The following FANCC variants were observed in gnomAD, a reference collection of about 807,000 sequenced individuals.
FANCC encodes the protein Fanconi anemia group C protein.
In FANCC, 55 loss-of-function variants were observed where a neutral mutation model predicts 71.3. The observed-to-expected ratio is 0.77, with a 90% CI of 0.62 to 0.97. The LOEUF is 0.97. Ranked by LOEUF, FANCC falls within the 50% of genes least tolerant of loss-of-function variation. FANCC has a pLI of 0.00. For synonymous variants in FANCC, 275 were observed against 244.9 expected, an observed-to-expected ratio of 1.12 and a Z score of -1.15; for missense variants, 678 against 670.9, an observed-to-expected ratio of 1.01 and a Z score of -0.12.
At chr9:95,168,303 C>T (rs552315353) in intron 6 of FANCC, among the ~76,000 whole-genome samples, 34 of 152,300 alleles carry the variant, frequency 2.2e-4, no homozygotes, top group Non-Finnish European at 4.3e-4. Context: ...GAGCTAAGTG[C>T]TTCCTCCCAA....
intron 4 of FANCC, among the ~76,000 whole-genome samples, chr9:95,232,078 G>T (rs1262346863): frequency 6.6e-6 from 1 of 152,230 alleles, no homozygotes; most frequent in Non-Finnish European, 1.5e-5. Flanking sequence ...TTCCGGGGAG[G>T]CCTCAGGAAA....
At chr9:95,239,634 G>A (rs1830519901) in intron 4 of FANCC, among the ~76,000 whole-genome samples, 1 of 152,084 alleles carries the variant, frequency 6.6e-6, no homozygotes, top group Non-Finnish European at 1.5e-5. Context: ...CTACTTATCT[G>A]TTCCTTTCTT....
intron 6 of FANCC, among the ~76,000 whole-genome samples, chr9:95,158,105 T>G (rs1020342948): frequency 6.6e-6 from 1 of 152,156 alleles, no homozygotes; most frequent in African/African-American, 2.4e-5. Flanking sequence ...CACAGGCAAC[T>G]CTCCGGCCTA....
intron 1 of FANCC, among the ~76,000 whole-genome samples, chr9:95,300,936 G>A (rs566228958): frequency 6.6e-6 from 1 of 152,246 alleles, no homozygotes; most frequent in South Asian, 2.1e-4. Flanking sequence ...AAAATTAAAC[G>A]AAATGAAAGA....
At chr9:95,125,262 A>G in intron 9 of FANCC, 77 bp from the exon 10 acceptor site, 1 of 1,159,460 alleles carries the variant, frequency 8.6e-7, no homozygotes, top group Non-Finnish European at 1.3e-6. Context: ...TGTATAAGGG[A>G]AAAGTAGAAA....
At chr9:95,280,453 AC>A (rs1833315911) in intron 1 of FANCC, among the ~76,000 whole-genome samples, 1 of 152,240 alleles carries the variant, frequency 6.6e-6, no homozygotes, top group African/African-American at 2.4e-5. Flanking sequence ...AGAATTCTCC[AC>A]CCAATAGTAT....
rs1827886448 is a variant in FANCC at position 95,137,563 on chromosome 9, AAGAAG to A, written c.687-2066_687-2062del. On this transcript the variant is annotated intron_variant, in intron 7 of 14. Transcript: ENST00000289081. Reference sequence around the variant, plus strand: ...TGGACATGCCATTTCCTCAGATGAAAAGAAGAGAAGAAATGATTTCTGGAGGATTT... The same window carrying A: ...TGGACATGCCATTTCCTCAGATGAAAAGAAGAAATGATTTCTGGAGGATTT... Among the ~76,000 whole-genome samples the A allele has an allele frequency of 2.0e-5, 3 of 152,116 alleles. No individual in the cohort carries two copies. In the South Asian group the frequency reaches 6.3e-4, roughly 32 times the overall value.
At chr9:95,230,376 G>A (rs1389847683) in intron 4 of FANCC, among the ~76,000 whole-genome samples, 1 of 152,164 alleles carries the variant, frequency 6.6e-6, no homozygotes, top group Non-Finnish European at 1.5e-5. Context: ...TGCTTTCTAT[G>A]CTGCATCTGG....
chr9:95,312,960 G>C (rs1835499100), intron 1 of FANCC, among the ~76,000 whole-genome samples: 1 of 152,236 alleles, frequency 6.6e-6, no homozygotes, highest in Non-Finnish European at 1.5e-5. Flanking sequence ...GCCAGGAAAA[G>C]TGTTCACAGG....
chr9:95,254,105 C>T (rs892589843), intron 1 of FANCC, among the ~76,000 whole-genome samples: 4 of 152,160 alleles, frequency 2.6e-5, no homozygotes. Flanking sequence ...GGAAGATGTG[C>T]TATTGGGAAG....
At position 95,247,677 on chromosome 9, in the gene FANCC, A is replaced by C. The variant is rs565498354; in HGVS notation, c.166-161T>G. Among the ~76,000 whole-genome samples, 476 of 152,352 alleles carry C rather than the reference A, an allele frequency of 3.1e-3. 4 individuals carry two copies. Among genetic ancestry groups the C allele is most frequent in the Non-Finnish European group, 5.3e-3 (362 of 68,032 alleles). ...GAGAAGATCTTTAGGTAAGTAATTC[A>C]AATAAAGTTTAAAAAGCAACCAACC... On this transcript the variant is annotated intron_variant, in intron 2 of 14. Coordinates refer to ENST00000289081, the MANE Select transcript of FANCC (RefSeq NM_000136.3).
intron 8 of FANCC, among the ~76,000 whole-genome samples, chr9:95,133,302 C>T (rs373457886): frequency 5.3e-5 from 8 of 152,350 alleles, no homozygotes; most frequent in Middle Eastern, 3.4e-3. Context: ...CGTCCTTGAA[C>T]CATGAGGCAC....
chr9:95,182,029 G>A (rs1256873847), intron 4 of FANCC, among the ~76,000 whole-genome samples: 4 of 152,132 alleles, frequency 2.6e-5, no homozygotes, highest in African/African-American at 9.7e-5. Flanking sequence ...ACATGGTCTG[G>A]GTGTGGAGGA....
chr9:95,107,320 ATACT>A (rs1469916263), intron 13 of FANCC, 51 bp from the exon 14 acceptor site: 22 of 1,565,364 alleles, frequency 1.4e-5, no homozygotes, highest in Non-Finnish European at 1.7e-5. Context: ...CAGGACAGAC[ATACT>A]TCTAGGATTT....
chr9:95,316,177 G>C (rs1835728586), intron 1 of FANCC, among the ~76,000 whole-genome samples: 1 of 152,196 alleles, frequency 6.6e-6, no homozygotes, highest in Non-Finnish European at 1.5e-5. Context: ...CTATTACTGG[G>C]AGTAGTGGGT....
At chr9:95,174,208 T>C (rs1460237096) in intron 4 of FANCC, among the ~76,000 whole-genome samples, 1 of 152,106 alleles carries the variant, frequency 6.6e-6, no homozygotes, top group Non-Finnish European at 1.5e-5. Flanking sequence ...TGATGCCCTG[T>C]TGCTGTGCCC....
At chr9:95,109,508 A>C (rs2071737051) in intron 13 of FANCC, 1 of 151,994 alleles carries the variant, frequency 6.6e-6, no homozygotes, top group South Asian at 2.1e-4. Flanking sequence ...AGGGTATCTA[A>C]ACGACTTTTT....
At chr9:95,209,514 C>T (rs188495479) in intron 4 of FANCC, among the ~76,000 whole-genome samples, 60 of 152,254 alleles carry the variant, frequency 3.9e-4, no homozygotes, top group Non-Finnish European at 6.8e-4. Context: ...ACCTTCCACT[C>T]AATTTTGCTG....
At chr9:95,250,090 A>G (rs1476709156) in intron 1 of FANCC, among the ~76,000 whole-genome samples, 1 of 152,210 alleles carries the variant, frequency 6.6e-6, no homozygotes, top group Non-Finnish European at 1.5e-5. Flanking sequence ...CCTGAAGGCC[A>G]TGCTAAAAAG....
Sources: allele counts gnomAD v4.1 joint callset (sites outside exome capture counted in the v4.1 genomes callset), GRCh38; gene constraint gnomAD v4.1.1; transcripts MANE v1.5; gene names NCBI Gene and HGNC (gene_info 2026-07-23, HGNC 2026-07-21).